The following MTX2 variants were observed in gnomAD, a reference collection of about 807,000 sequenced individuals.
MTX2 encodes the protein metaxin 2.
A neutral mutation model predicts 42.3 loss-of-function variants in MTX2; 35 were observed. That is an observed-to-expected ratio of 0.83 (90% CI 0.63 to 1.10). The LOEUF (loss-of-function observed/expected upper bound fraction) is 1.10. MTX2 is among the 50% of genes least tolerant of loss of function. The probability of loss-of-function intolerance (pLI) is 0.00; values close to 1 mark genes in which losing one functional copy is unlikely to be tolerated. For synonymous variants in MTX2, 119 were observed against 100.9 expected, an observed-to-expected ratio of 1.18 and a Z score of -1.08; for missense variants, 307 against 304.1, an observed-to-expected ratio of 1.01 and a Z score of -0.07.
intron 3 of MTX2, chr2:176,304,372 A>C (rs1180938081): frequency 6.5e-6 from 1 of 153,648 alleles, no homozygotes; most frequent in African/African-American, 2.4e-5. Flanking sequence ...ACAGGTACAA[A>C]GGAATTTGTT....
chr2:176,316,373 G>C (rs575784318), intron 3 of MTX2, among the ~76,000 whole-genome samples: 2 of 152,068 alleles, frequency 1.3e-5, no homozygotes, highest in East Asian at 1.9e-4. Context: ...AAGCAACCTT[G>C]CTCTTTATTT....
chr2:176,330,718 T>G, intron 9 of MTX2, 58 bp downstream of exon 9: 1 of 1,176,792 alleles, frequency 8.5e-7, no homozygotes, highest in Non-Finnish European at 1.2e-6. Flanking sequence ...GCAAATTTCT[T>G]TTTTTCATAA....
chr2:176,318,890 A>G (rs1393572130), intron 3 of MTX2, among the ~76,000 whole-genome samples: 1 of 152,218 alleles, frequency 6.6e-6, no homozygotes, highest in Non-Finnish European at 1.5e-5. Flanking sequence ...CACTAGCCAC[A>G]CGTGCCTGTT....
intron 1 of MTX2, among the ~76,000 whole-genome samples, chr2:176,276,290 T>C (rs1169908411): frequency 6.6e-6 from 1 of 152,242 alleles, no homozygotes; most frequent in Non-Finnish European, 1.5e-5. Context: ...ATTTTCATTA[T>C]AAAATTGAAT....
chr2:176,273,044 G>A (rs192022561), intron 1 of MTX2, among the ~76,000 whole-genome samples: 98 of 152,298 alleles, frequency 6.4e-4, no homozygotes, highest in Non-Finnish European at 1.2e-3. Context: ...TATCTGATGC[G>A]AGCCTTTGTG....
At chr2:176,333,537 G>A (rs1684909512) in intron 9 of MTX2, among the ~76,000 whole-genome samples, 1 of 151,474 alleles carries the variant, frequency 6.6e-6, no homozygotes, top group Non-Finnish European at 1.5e-5. Flanking sequence ...AAGACTTGTT[G>A]GAATCAGTAA....
chr2:176,314,728 A>G (rs959535747), intron 3 of MTX2, among the ~76,000 whole-genome samples: 4 of 152,208 alleles, frequency 2.6e-5, no homozygotes, highest in Non-Finnish European at 5.9e-5. Context: ...AAAGGATTCA[A>G]GCTAACAGTG....
chr2:176,286,889 C>T (rs1003667060), intron 1 of MTX2, among the ~76,000 whole-genome samples: 6 of 152,156 alleles, frequency 3.9e-5, no homozygotes, highest in African/African-American at 1.4e-4. Flanking sequence ...TACCTTGTTC[C>T]AAATGAATGG....
At chr2:176,316,923 T>C (rs1311007112) in intron 3 of MTX2, among the ~76,000 whole-genome samples, 1 of 152,038 alleles carries the variant, frequency 6.6e-6, no homozygotes, top group Non-Finnish European at 1.5e-5. Context: ...AGGATATGTA[T>C]GTATAGAATT....
chr2:176,321,732 C>T (rs978009087), intron 3 of MTX2, among the ~76,000 whole-genome samples: 1 of 152,104 alleles, frequency 6.6e-6, no homozygotes, highest in South Asian at 2.1e-4. Flanking sequence ...AACTTTTAGT[C>T]CAGTTGGCCA....
At chr2:176,301,156 A>T (rs913791478) in intron 3 of MTX2, among the ~76,000 whole-genome samples, 16 of 152,172 alleles carry the variant, frequency 1.1e-4, no homozygotes, top group Non-Finnish European at 2.2e-4. Context: ...AATATATTTT[A>T]AAACAGTATT....
chr2:176,319,398 G>T (rs1027340804), intron 3 of MTX2, among the ~76,000 whole-genome samples: 2 of 149,940 alleles, frequency 1.3e-5, no homozygotes, highest in Non-Finnish European at 3.0e-5. Context: ...TTGTTTTAGG[G>T]TGTTTACATT....
intron 3 of MTX2, among the ~76,000 whole-genome samples, chr2:176,301,635 C>T (rs932469363): frequency 1.3e-5 from 2 of 152,068 alleles, no homozygotes; most frequent in South Asian, 2.1e-4. Flanking sequence ...AAGTCTGGAT[C>T]GACAGTCCAC....
chr2:176,306,465 G>C (rs947786087), intron 3 of MTX2, among the ~76,000 whole-genome samples: 1 of 152,172 alleles, frequency 6.6e-6, no homozygotes, highest in Non-Finnish European at 1.5e-5. Context: ...TCTAGTTCTA[G>C]ATCCTTGAGG....
chr2:176,270,108 C>T (rs1692764418), intron 1 of MTX2: 1 of 295,816 alleles, frequency 3.4e-6, no homozygotes. Flanking sequence ...GAGGGAACAC[C>T]AGACTTCTTG....
intron 1 of MTX2, among the ~76,000 whole-genome samples, chr2:176,286,347 T>G (rs1312181897): frequency 6.6e-6 from 1 of 152,172 alleles, no homozygotes; most frequent in African/African-American, 2.4e-5. Context: ...TAGTTTGTAT[T>G]TGACCAGGAG....
intron 8 of MTX2, among the ~76,000 whole-genome samples, chr2:176,329,639 TA>T (rs556414530): frequency 8.3e-4 from 126 of 151,248 alleles, no homozygotes; most frequent in African/African-American, 2.7e-3. Flanking sequence ...AAAAAAGCAA[TA>T]AAACTTGCCT....
chr2:176,296,866 A>T lies in MTX2; in HGVS notation c.47A>T (p.Glu16Val). Residue 16 changes from glutamate (E) to valine (V), a missense_variant, in exon 2 of 10, where the codon GAA becomes GTA. Physicochemically the swap from Glu to Val is moderately radical, Grantham distance 121. Transcript: ENST00000249442. ...CACTGCCTTGTTTCCATAGCTGCAG[A>T]ACCTTGGCCTGAAAATGCTACATTA... is the stretch of plus-strand genomic sequence containing the variant. ...EAFVSQIAAA[E>V]PWPENATLYQ... 1 of 1,613,600 alleles carries T rather than the reference A, an allele frequency of 6.2e-7. No homozygotes were observed. Among genetic ancestry groups the T allele is most frequent in the South Asian group, 1.1e-5 (1 of 91,050 alleles).
At chr2:176,335,256 A>G (rs189952197) in intron 9 of MTX2, among the ~76,000 whole-genome samples, 41 of 152,038 alleles carry the variant, frequency 2.7e-4, no homozygotes, top group Non-Finnish European at 3.2e-4. Context: ...AGGTTCCCTA[A>G]TTGGCTTGAG....
Sources: gnomAD v4.1 joint callset for allele counts (sites outside exome capture counted in the v4.1 genomes callset) on GRCh38, gnomAD v4.1.1 for gene constraint, MANE v1.5 for transcripts, NCBI Gene and HGNC (gene_info 2026-07-23, HGNC 2026-07-21) for gene names.